Variants in CROCC2 observed in about 807,000 individuals in gnomAD.
The protein encoded by CROCC2 is ciliary rootlet coiled-coil protein 2.
CROCC2 carries 163 observed loss-of-function variants against 177.6 expected under a neutral mutation model. The observed-to-expected ratio is 0.92, with a 90% CI of 0.81 to 1.05. The LOEUF (loss-of-function observed/expected upper bound fraction) is 1.05. CROCC2 is among the 50% of genes least tolerant of loss of function. The pLI, the probability that CROCC2 is intolerant of heterozygous loss-of-function variation, is 0.00. For missense variants in CROCC2, 1,929 were observed against 1,797.8 expected (o/e 1.07, Z -1.32); for synonymous variants, 904 against 787.3 (o/e 1.15, Z -2.48).
intron 6 of CROCC2, among the ~76,000 whole-genome samples, chr2:240,930,668 G>A (rs371750366): frequency 3.3e-5 from 5 of 152,094 alleles, no homozygotes; most frequent in Non-Finnish European, 7.4e-5. Flanking sequence ...AGCCCCTTGC[G>A]CAGGAGGAGT....
chr2:240,930,385 G>T, intron 6 of CROCC2, 116 bp downstream of exon 6: 1 of 428,822 alleles, frequency 2.3e-6, no homozygotes. Flanking sequence ...CAGTAGCCCT[G>T]GCCTGCCGGC....
chr2:240,921,111 T>C (rs936739701), intron 3 of CROCC2, among the ~76,000 whole-genome samples: 2 of 152,160 alleles, frequency 1.3e-5, no homozygotes, highest in East Asian at 3.8e-4. Context: ...ATCTGGCCCC[T>C]TCTTAGTCAC....
chr2:240,966,766 C>A (rs1297141448), intron 25 of CROCC2, among the ~76,000 whole-genome samples: 1 of 152,170 alleles, frequency 6.6e-6, no homozygotes, highest in Non-Finnish European at 1.5e-5. Flanking sequence ...CCCAAAGACC[C>A]CTCCGGTGGG....
chr2:240,972,982 C>A lies in CROCC2; in HGVS notation c.4401+4720C>A, dbSNP rs546964489. On this transcript the variant is annotated intron_variant, in intron 27 of 31. Coordinates refer to ENST00000690015, the MANE Select transcript of CROCC2 (RefSeq NM_001351305.2). The surrounding 1 kb of genome is among the most constrained non-coding windows in gnomAD (Gnocchi z 7.1). ...GCTGGGAACATAGCCATGCTCCCTG[C>A]TGCCCCATGCCCCTTGCTGAGCAGG... 5.3e-5 allele frequency among the ~76,000 whole-genome samples: 8 copies of A among 152,214 alleles called. No individual in the cohort carries two copies. In the East Asian group the frequency reaches 1.6e-3, roughly 30 times the overall value.
chr2:240,990,156 T>A (rs962603808), intron 30 of CROCC2, among the ~76,000 whole-genome samples: 4 of 152,244 alleles, frequency 2.6e-5, no homozygotes, highest in African/African-American at 9.6e-5. Flanking sequence ...GCTGTCATTA[T>A]GTGTGAGGTG....
At chr2:240,975,042 C>T (rs986557092) in intron 27 of CROCC2, among the ~76,000 whole-genome samples, 15 of 151,720 alleles carry the variant, frequency 9.9e-5, no homozygotes, top group Admixed American at 3.3e-4. Context: ...GTTTATTGGT[C>T]GTTTGCTTTT....
intron 1 of CROCC2, among the ~76,000 whole-genome samples, chr2:240,912,678 C>A (rs2059295913): frequency 6.6e-6 from 1 of 152,164 alleles, no homozygotes; most frequent in East Asian, 1.9e-4. Flanking sequence ...AGGCAAAATT[C>A]ATTAAATCAC....
chr2:240,916,091 C>T (rs951132805), intron 1 of CROCC2, among the ~76,000 whole-genome samples: 11 of 152,150 alleles, frequency 7.2e-5, no homozygotes, highest in Admixed American at 2.0e-4. Flanking sequence ...CGCAGAGTCC[C>T]TGGGAGGGGC....
At chr2:240,926,000 G>A in intron 5 of CROCC2, 120 bp downstream of exon 5, 3 of 596,394 alleles carry the variant, frequency 5.0e-6, no homozygotes, top group Non-Finnish European at 9.0e-6. Flanking sequence ...TTGGGGACGA[G>A]GCCACAGCTT....
rs765818813 is a variant in CROCC2 at position 240,922,623 on chromosome 2, C to G, written c.466C>G (p.Arg156Gly). 4.5e-6 allele frequency: 3 copies of G among 665,234 alleles called. No homozygotes were observed. The highest frequency in any genetic ancestry group is 8.4e-6 in the Non-Finnish European group (3 of 356,328). The allele number at this position is 665,234 out of a possible 1,614,324, so 41.2% of individuals were successfully genotyped here. A position where few individuals can be genotyped will look rare whatever the true frequency, so the allele number is the denominator to read the frequency against. The change falls in exon 4 of 32, where the codon CGT (arginine) becomes GGT (glycine). Residue 156 changes from arginine to glycine, a missense_variant. Around this residue, in one of 3 missense-constraint regions of CROCC2, gnomAD observed 1,397 missense variants for 1,239.9 expected, o/e 1.13. Coordinates refer to ENST00000690015, the MANE Select transcript of CROCC2 (RefSeq NM_001351305.2). ...CGTGGATCTGGAGGAGGCCCTTGGCCGTCTGGAGGCTGCCGAGGAGAGGTG... is the reference window on the plus strand; with the variant it reads ...CGTGGATCTGGAGGAGGCCCTTGGCGGTCTGGAGGCTGCCGAGGAGAGGTG... ...HSVDLEEALGRLEAAEERSTG... is the reference protein window; with the variant it reads ...HSVDLEEALGGLEAAEERSTG...
chr2:240,935,972 C>T (rs951685712), intron 14 of CROCC2, among the ~76,000 whole-genome samples: 6 of 152,142 alleles, frequency 3.9e-5, no homozygotes, highest in Non-Finnish European at 7.3e-5. Context: ...CTCATTTATT[C>T]CCAATTTCCC....
chr2:240,992,560 T>C (rs2059887602), intron 31 of CROCC2, among the ~76,000 whole-genome samples: 1 of 152,186 alleles, frequency 6.6e-6, no homozygotes, highest in Non-Finnish European at 1.5e-5. Flanking sequence ...CTCTGCCTGA[T>C]TGTTGGTGGC....
intron 19 of CROCC2, among the ~76,000 whole-genome samples, 183 bp downstream of exon 19, chr2:240,956,155 T>C (rs928590995): frequency 6.6e-6 from 1 of 152,194 alleles, no homozygotes; most frequent in Non-Finnish European, 1.5e-5. Context: ...GCAGGAAAGA[T>C]CCAAGTGAAC....
chr2:240,930,964 G>T lies in CROCC2; in HGVS notation c.783G>T (p.Arg261Ser), dbSNP rs985851501. 3.8e-5 allele frequency: 27 copies of T among 714,864 alleles called. No individual in the cohort carries two copies. The highest frequency in any genetic ancestry group is 2.3e-4 in the Middle Eastern group (1 of 4,386). 44.3% of individuals were successfully genotyped at this position (714,864 alleles called of 1,614,324 possible). ...GLADLQADTA[R>S]TARRLHTACL... ...CTGACCTGCAGGCAGACACGGCCAG[G>T]ACAGCCCGCCGCCTGCACACCGCCT... Residue 261 changes from arginine (R) to serine (S), a missense_variant, in exon 7 of 32, where the codon AGG becomes AGT. Arg to Ser is a moderately radical substitution (Grantham distance 110). This residue lies in a region of CROCC2 where 1,397 missense variants were observed against 1,239.9 expected (regional missense o/e 1.13). Coordinates refer to ENST00000690015, the MANE Select transcript of CROCC2 (RefSeq NM_001351305.2).
At position 240,919,889 on chromosome 2, in the gene CROCC2, G is replaced by A. The variant is rs1355890989; in HGVS notation, c.230-94G>A. On this transcript the variant is annotated intron_variant, in intron 2 of 31. Coordinates refer to ENST00000690015, the MANE Select transcript of CROCC2 (RefSeq NM_001351305.2). The stretch of plus-strand genomic sequence containing the variant: ...GCAGGTCCAGCAGCTGGAGCCTGGT[G>A]GCCAGCCCAGGGTCCCACCGTGGAG... 6.6e-5 allele frequency: 39 copies of A among 592,570 alleles called. No homozygotes were observed. In the East Asian group the frequency reaches 9.5e-4, roughly 14 times the overall value. 36.7% of individuals were successfully genotyped at this position (592,570 alleles called of 1,614,324 possible). A position where few individuals can be genotyped will look rare whatever the true frequency, so the allele number is the denominator to read the frequency against.
rs151295283 is a variant in CROCC2, at chr2:240,958,366, A to G, written c.2944-935A>G. On this transcript the variant is annotated intron_variant, in intron 19 of 31. Coordinates refer to ENST00000690015, the MANE Select transcript of CROCC2 (RefSeq NM_001351305.2). The surrounding 1 kb of genome is among the most constrained non-coding windows in gnomAD (Gnocchi z 6.7). ...CAAGATGGCCCTTCTCAGTCCAGAGAGACCAGAGGGGGTTGTAAAGAATGA... is the reference window on the plus strand; with the variant it reads ...CAAGATGGCCCTTCTCAGTCCAGAGGGACCAGAGGGGGTTGTAAAGAATGA... Among the ~76,000 whole-genome samples the G allele has an allele frequency of 4.9e-3, 741 of 152,252 alleles. 6 individuals are homozygous for G. The highest frequency in any genetic ancestry group is 0.017 in the Middle Eastern group (5 of 294).
chr2:240,983,683 C>A (rs1419422558), intron 28 of CROCC2: 2 of 1,208,530 alleles, frequency 1.7e-6, no homozygotes, highest in Non-Finnish European at 2.2e-6. Context: ...TCTGTGTCCT[C>A]ACCTGCCGGC....
At chr2:240,986,131 C>T (rs888249711) in intron 28 of CROCC2, 8 of 350,034 alleles carry the variant, frequency 2.3e-5, no homozygotes, top group South Asian at 1.5e-4. Context: ...TGTCCTGCAC[C>T]GCGACTGGCT....
intron 14 of CROCC2, among the ~76,000 whole-genome samples, chr2:240,939,170 G>C (rs2106464771): frequency 6.6e-6 from 1 of 152,228 alleles, no homozygotes. Flanking sequence ...GAGTAAGGAA[G>C]TTCCCTTCAT....
Sources: allele counts gnomAD v4.1 joint callset (sites outside exome capture counted in the v4.1 genomes callset), GRCh38; gene constraint gnomAD v4.1.1; regional missense constraint gnomAD v4.1.1; non-coding constraint Gnocchi (gnomAD v3.1); transcripts MANE v1.5; gene names NCBI Gene and HGNC (gene_info 2026-07-23, HGNC 2026-07-21).